The following CFHR5 variants were observed in gnomAD, a reference collection of about 807,000 sequenced individuals.
CFHR5 encodes the protein complement factor H-related protein 5.
In CFHR5, 73 loss-of-function variants were observed where a neutral mutation model predicts 62.9. The observed-to-expected ratio is 1.16, with a 90% confidence interval of 0.96 to 1.41. The LOEUF is 1.41. CFHR5 is among the 40% of genes most tolerant of loss of function. The probability of loss-of-function intolerance (pLI) is 0.00; values close to 1 mark genes in which losing one functional copy is unlikely to be tolerated. For missense variants in CFHR5, 779 were observed against 679.9 expected (o/e 1.15, Z -1.62); for synonymous variants, 249 against 227.2 (o/e 1.10, Z -0.86).
chr1:196,980,448 A>T (rs1164241514), intron 1 of CFHR5, among the ~76,000 whole-genome samples: 1 of 152,128 alleles, frequency 6.6e-6, no homozygotes, highest in Admixed American at 6.6e-5. Flanking sequence ...TGAGTAATAC[A>T]TTGGATTATG....
intron 1 of CFHR5, among the ~76,000 whole-genome samples, chr1:196,982,015 T>C (rs1653556171): frequency 6.6e-6 from 1 of 152,140 alleles, no homozygotes; most frequent in South Asian, 2.1e-4. Flanking sequence ...GATTTTCTTA[T>C]ACTCTTTAAA....
In CFHR5 at chr1:196,977,737, G is replaced by T. The variant is rs745989291; in HGVS notation, c.58+15G>T. 7 of 1,595,248 alleles carry T rather than the reference G, an allele frequency of 4.4e-6. No homozygotes were observed. The South Asian group carries it at 5.5e-5, about 13-fold the overall frequency. On this transcript the variant is annotated intron_variant, in intron 1 of 9. Transcript: ENST00000256785. ...TGGGGGAGAAGGTAAGTTGAAAACA[G>T]ATCCGAATATTTTAGTTCCTTTTCA...
At chr1:197,008,431 G>C (rs1167839122) in intron 9 of CFHR5, 56 bp from the exon 10 acceptor site, 19 of 1,036,650 alleles carry the variant, frequency 1.8e-5, no homozygotes, top group Non-Finnish European at 2.5e-5. Flanking sequence ...ACTATTCTAT[G>C]AAAGGTAAAG....
chr1:196,988,955 C>A (rs1263743502), intron 3 of CFHR5, among the ~76,000 whole-genome samples: 1 of 152,116 alleles, frequency 6.6e-6, no homozygotes, highest in Non-Finnish European at 1.5e-5. Flanking sequence ...TGACCAGCTC[C>A]TCTTTGAACC....
At chr1:196,998,360 A>T in intron 7 of CFHR5, 56 bp downstream of exon 7, 1 of 1,359,922 alleles carries the variant, frequency 7.4e-7, no homozygotes, top group Non-Finnish European at 1.0e-6. Context: ...AAGAAAAATT[A>T]TTTTGAAATT....
chr1:197,008,296 C>T (rs1654344245), intron 9 of CFHR5, among the ~76,000 whole-genome samples, 191 bp from the exon 10 acceptor site: 1 of 151,442 alleles, frequency 6.6e-6, no homozygotes, highest in Non-Finnish European at 1.5e-5. Context: ...GCATTTATTT[C>T]CTCATATGTA....
At chr1:196,985,853 A>G (rs1033201421) in intron 3 of CFHR5, among the ~76,000 whole-genome samples, 12 of 152,232 alleles carry the variant, frequency 7.9e-5, no homozygotes, top group African/African-American at 2.7e-4. Flanking sequence ...CCATACCTCC[A>G]ATAAGTCCTG....
At chr1:197,004,278 A>G (rs1231125484) in intron 8 of CFHR5, among the ~76,000 whole-genome samples, 1 of 152,198 alleles carries the variant, frequency 6.6e-6, no homozygotes, top group African/African-American at 2.4e-5. Flanking sequence ...CTACAAGTTT[A>G]TGATCATATA....
In CFHR5 at chr1:196,995,744, C is replaced by G; in HGVS notation, c.635C>G (p.Pro212Arg). The G allele has an allele frequency of 6.2e-7, 1 of 1,613,336 alleles. No homozygotes were observed. The highest frequency in any genetic ancestry group is 8.5e-7 in the Non-Finnish European group (1 of 1,179,436). Reference protein sequence around the residue: ...KGQVRSCGPPPQLSNGEVKEI... With the variant: ...KGQVRSCGPPRQLSNGEVKEI... ...CAAGTACGATCATGTGGTCCACCTC[C>G]TCAACTCTCCAATGGTGAAGTTAAG... The change falls in exon 5 of 10, where the codon CCT becomes CGT. Residue 212 changes from proline (P) to arginine (R), a missense_variant. Coordinates refer to ENST00000256785, the MANE Select transcript of CFHR5 (RefSeq NM_030787.4).
At chr1:197,007,682 ATAAG>A (rs946627062) in intron 9 of CFHR5, among the ~76,000 whole-genome samples, 4 of 147,942 alleles carry the variant, frequency 2.7e-5, no homozygotes, top group Non-Finnish European at 5.9e-5. Context: ...CTAAATATAC[ATAAG>A]TATGTATGTA....
At chr1:196,998,600 G>C (rs1168389910) in intron 7 of CFHR5, among the ~76,000 whole-genome samples, 1 of 151,870 alleles carries the variant, frequency 6.6e-6, no homozygotes, top group African/African-American at 2.4e-5. Context: ...AATCTTCAAT[G>C]ACATTAAGAA....
chr1:196,995,691 C>A (rs752114948), intron 4 of CFHR5, 26 bp from the exon 5 acceptor site: 2 of 1,585,126 alleles, frequency 1.3e-6, no homozygotes, highest in Admixed American at 1.7e-5. Context: ...ACCATTTAAG[C>A]ATTATTTATG....
At chr1:196,988,655 A>G (rs951164954) in intron 3 of CFHR5, among the ~76,000 whole-genome samples, 6 of 152,152 alleles carry the variant, frequency 3.9e-5, no homozygotes, top group African/African-American at 9.7e-5. Flanking sequence ...GGTTCTGTTT[A>G]TGTGATGGAT....
In CFHR5 at chr1:197,008,760, T is replaced by A. The variant is rs1571532343; in HGVS notation, c.*77T>A. On this transcript the variant is annotated 3_prime_UTR_variant, in exon 10 of 10. Transcript: ENST00000256785. ...AGTAGCCATTATGTAGCCAATTCTG[T>A]AGTTACTTCTTTTATTCTTTCAGGT... 4.3e-6 allele frequency: 5 copies of A among 1,153,916 alleles called. No individual in the cohort carries two copies. In the East Asian group the frequency reaches 1.2e-4, roughly 28 times the overall value. 71.5% of individuals were successfully genotyped at this position (1,153,916 alleles called of 1,614,324 possible).
chr1:196,991,815 G>C (rs986245360), intron 3 of CFHR5, among the ~76,000 whole-genome samples: 1 of 152,146 alleles, frequency 6.6e-6, no homozygotes, highest in Non-Finnish European at 1.5e-5. Flanking sequence ...CTACTGGGAG[G>C]TGTCTCCCAG....
chr1:196,998,529 A>T (rs1159691943), intron 7 of CFHR5, among the ~76,000 whole-genome samples: 1 of 152,028 alleles, frequency 6.6e-6, no homozygotes, highest in African/African-American at 2.4e-5. Context: ...ACTCTATTAC[A>T]GTCTCACAAA....
intron 1 of CFHR5, among the ~76,000 whole-genome samples, chr1:196,979,624 T>G (rs556704231): frequency 1.3e-5 from 2 of 152,276 alleles, no homozygotes; most frequent in South Asian, 4.2e-4. Context: ...TTGTTCTGGG[T>G]AAGTCACTGA....
At chr1:197,000,130 A>G (rs966811468) in intron 7 of CFHR5, among the ~76,000 whole-genome samples, 1 of 152,000 alleles carries the variant, frequency 6.6e-6, no homozygotes, top group Non-Finnish European at 1.5e-5. Flanking sequence ...TAAATAAATT[A>G]CAAGCATAAA....
chr1:196,986,503 A>C (rs1050498910), intron 3 of CFHR5, among the ~76,000 whole-genome samples: 1 of 151,956 alleles, frequency 6.6e-6, no homozygotes, highest in Non-Finnish European at 1.5e-5. Flanking sequence ...ATTTTGCCTA[A>C]TGCTACCCCT....
Sources: gnomAD v4.1 joint callset for allele counts (sites outside exome capture counted in the v4.1 genomes callset) on GRCh38, gnomAD v4.1.1 for gene constraint, MANE v1.5 for transcripts, NCBI Gene and HGNC (gene_info 2026-07-23, HGNC 2026-07-21) for gene names.